Variants in C1orf174 observed in about 807,000 individuals in gnomAD.
C1orf174 encodes UPF0688 protein C1orf174.
In C1orf174, 13 loss-of-function variants were observed where a neutral mutation model predicts 18.4. That is an observed-to-expected ratio of 0.71 (90% CI 0.46 to 1.12). The LOEUF (loss-of-function observed/expected upper bound fraction) is 1.12. Ranked by LOEUF, C1orf174 falls within the 50% of genes most tolerant of loss-of-function variation. C1orf174 has a pLI of 0.00. For missense variants in C1orf174, 309 were observed against 308.0 expected, an observed-to-expected ratio of 1.00 and a Z score of -0.02; for synonymous variants, 100 against 118.3, an observed-to-expected ratio of 0.85 and a Z score of 1.01.
intron 1 of C1orf174, among the ~76,000 whole-genome samples, chr1:3,894,847 C>G (rs901323978): frequency 2.0e-5 from 3 of 152,224 alleles, no homozygotes; most frequent in African/African-American, 7.2e-5. Context: ...TACCACAGCA[C>G]ACCGGGGGCT....
rs573762946 is a variant in C1orf174 at position 3,891,626 on chromosome 1, C to T, written c.130-569G>A. The T allele has an allele frequency of 1.0e-4, 102 of 986,128 alleles. 1 individual carries two copies. The South Asian group carries it at 1.1e-3, about 11-fold the overall frequency. 61.1% of individuals were successfully genotyped at this position (986,128 alleles called of 1,614,324 possible). A position where few individuals can be genotyped will look rare whatever the true frequency, so the allele number is the denominator to read the frequency against. On this transcript the variant is annotated intron_variant, in intron 2 of 3. Transcript: ENST00000361605. Reference sequence around the variant, plus strand: ...GCTCCGTGAAGCGGCTCTACTTCACCGGTAAGTTCAGGAACTCGCTCCTCG... The same window carrying T: ...GCTCCGTGAAGCGGCTCTACTTCACTGGTAAGTTCAGGAACTCGCTCCTCG...
Position 3,890,631 on chromosome 1 carries a change from C to G in C1orf174, c.556G>C (p.Asp186His), listed in dbSNP as rs1638489787. 6.2e-7 allele frequency: 1 copy of G among 1,614,168 alleles called. No individual in the cohort carries two copies. The highest frequency in any genetic ancestry group is 8.5e-7 in the Non-Finnish European group (1 of 1,180,030). ...GGCATTGGCTGATTGCTGTCGTCATCTAGAAAGACGCTGTTGTCCATCTGA... is the reference window on the plus strand; with the variant it reads ...GGCATTGGCTGATTGCTGTCGTCATGTAGAAAGACGCTGTTGTCCATCTGA... ...PLQMDNSVFL[D>H]DDSNQPMPVS... The change falls in exon 3 of 4, where the codon GAT becomes CAT. Residue 186 changes from aspartate (D) to histidine (H), a missense_variant. Transcript: ENST00000361605.
chr1:3,898,691 T>G (rs1015110984), intron 1 of C1orf174, among the ~76,000 whole-genome samples: 5 of 152,246 alleles, frequency 3.3e-5, no homozygotes, highest in African/African-American at 9.6e-5. Flanking sequence ...TAAATGCCTA[T>G]TCCTCTACCT....
At chr1:3,899,276 C>G (rs1011641995) in intron 1 of C1orf174, among the ~76,000 whole-genome samples, 1 of 152,110 alleles carries the variant, frequency 6.6e-6, no homozygotes, top group Non-Finnish European at 1.5e-5. Context: ...AAAAAAGATC[C>G]AAGTATATGT....
At position 3,900,228 on chromosome 1, in the gene C1orf174, C is replaced by T; in HGVS notation, c.-42G>A. 1 of 1,547,860 alleles carries T rather than the reference C, an allele frequency of 6.5e-7. No homozygotes were observed. The highest frequency in any genetic ancestry group is 1.4e-5 in the African/African-American group (1 of 70,298). ...GCCAAGCACCGCGCGCCCCGGCCAA[C>T]GCGTCCCGGCGGAGCGGCGACCCGG... is the stretch of plus-strand genomic sequence containing the variant. On this transcript the variant is annotated 5_prime_UTR_variant, in exon 1 of 4. Transcript: ENST00000361605.
At chr1:3,898,362 T>C (rs952209325) in intron 1 of C1orf174, among the ~76,000 whole-genome samples, 6 of 152,008 alleles carry the variant, frequency 3.9e-5, no homozygotes, top group Non-Finnish European at 8.8e-5. Context: ...ACACAAAAAT[T>C]AGCCGGGCGT....
intron 1 of C1orf174, among the ~76,000 whole-genome samples, chr1:3,897,900 T>C (rs920647685): frequency 6.6e-6 from 1 of 152,124 alleles, no homozygotes; most frequent in African/African-American, 2.4e-5. Context: ...CCTGACCTTG[T>C]GATCCGCCTG....
At chr1:3,891,731 TCTGGCGGTGAGGCTG>T (rs1389107720) in intron 2 of C1orf174, 1 of 985,898 alleles carries the variant, frequency 1.0e-6, no homozygotes, top group Non-Finnish European at 1.2e-6. Flanking sequence ...TCTTCAAGCC[TCTGGCGGTGAGGCTG>T]CACGGCAATG....
At chr1:3,897,384 A>C (rs904608156) in intron 1 of C1orf174, among the ~76,000 whole-genome samples, 7 of 152,248 alleles carry the variant, frequency 4.6e-5, no homozygotes, top group Non-Finnish European at 7.3e-5. Flanking sequence ...AAAACCTGAA[A>C]TAACAAAATT....
At chr1:3,895,444 T>C (rs1638589742) in intron 1 of C1orf174, 1 of 152,280 alleles carries the variant, frequency 6.6e-6, no homozygotes, top group Non-Finnish European at 1.5e-5. Context: ...TTCTGAACTT[T>C]TCGCGTGCAA....
Position 3,890,958 on chromosome 1 carries a change from T to C in C1orf174, c.229A>G (p.Lys77Glu). The part of the protein sequence containing the change: ...VKSELQKLVP[K>E]NDSASLPKVT... ...TTTGGCAAAGAAGCGCTGTCATTCT[T>C]AGGGACAAGCTTCTGTAATTCTGAC... The change falls in exon 3 of 4, where the codon AAG (lysine) becomes GAG (glutamate). Residue 77 changes from lysine (K) to glutamate (E), a missense_variant. Lys to Glu is a moderately conservative substitution (Grantham distance 56). Coordinates refer to ENST00000361605, the MANE Select transcript of C1orf174 (RefSeq NM_207356.3). 6.2e-7 allele frequency: 1 copy of C among 1,614,218 alleles called. No individual in the cohort carries two copies. The highest frequency in any genetic ancestry group is 1.1e-5 in the South Asian group (1 of 91,084).
At position 3,889,709 on chromosome 1, in the gene C1orf174, A is replaced by T; in HGVS notation, c.*251T>A. On this transcript the variant is annotated 3_prime_UTR_variant, in exon 4 of 4. Transcript: ENST00000361605. ...AAACTCTGTCTCCAAGGAAAAAAAA[A>T]AAAAAAAAAAAAGAAAGGACATTGG... 1 of 311,762 alleles carries T rather than the reference A, an allele frequency of 3.2e-6. No homozygotes were observed. The highest frequency in any genetic ancestry group is 6.0e-6 in the Non-Finnish European group (1 of 165,858). 19.3% of individuals were successfully genotyped at this position (311,762 alleles called of 1,614,324 possible).
intron 1 of C1orf174, among the ~76,000 whole-genome samples, chr1:3,899,361 T>TG (rs1243151339): frequency 6.6e-6 from 1 of 152,164 alleles, no homozygotes; most frequent in Non-Finnish European, 1.5e-5. Flanking sequence ...GCCACTCCAT[T>TG]TGAACAAACC....
chr1:3,889,721 A>T lies in C1orf174; in HGVS notation c.*239T>A. 3.1e-6 allele frequency: 1 copy of T among 317,580 alleles called. No homozygotes were observed. The highest frequency in any genetic ancestry group is 5.8e-6 in the Non-Finnish European group (1 of 172,514). 19.7% of individuals were successfully genotyped at this position (317,580 alleles called of 1,614,324 possible). A position where few individuals can be genotyped will look rare whatever the true frequency, so the allele number is the denominator to read the frequency against. On this transcript the variant is annotated 3_prime_UTR_variant, in exon 4 of 4. Coordinates refer to ENST00000361605, the MANE Select transcript of C1orf174 (RefSeq NM_207356.3). ...CAAGGAAAAAAAAAAAAAAAAAAAA[A>T]GAAAGGACATTGGCACAGTACAGCA...
intron 1 of C1orf174, among the ~76,000 whole-genome samples, chr1:3,893,977 G>C (rs1638558966): frequency 6.6e-6 from 1 of 152,184 alleles, no homozygotes; most frequent in Admixed American, 6.5e-5. Context: ...AACAACTACA[G>C]GACATTGTCA....
intron 2 of C1orf174, chr1:3,891,702 C>T: frequency 1.0e-6 from 1 of 986,080 alleles, no homozygotes; most frequent in African/African-American, 1.7e-5. Context: ...GATTCCTTTC[C>T]CCACCCACTC....
Position 3,891,013 on chromosome 1 carries a change from C to T in C1orf174, c.174G>A (p.Lys58=). 2 of 1,613,948 alleles carry T rather than the reference C, an allele frequency of 1.2e-6. No individual in the cohort carries two copies. Among genetic ancestry groups the T allele is most frequent in the East Asian group, 4.5e-5 (2 of 44,884 alleles). ...HKATDTRTSK[K]FKCDKGHLVK... ...CAAGATGTCCTTTGTCACATTTGAACTTCTTGGACGTTCGCGTGTCTGTGG... is the reference window on the plus strand; with the variant it reads ...CAAGATGTCCTTTGTCACATTTGAATTTCTTGGACGTTCGCGTGTCTGTGG... Residue 58 remains lysine (K), a synonymous_variant, in exon 3 of 4, where the codon AAG becomes AAA. Coordinates refer to ENST00000361605, the MANE Select transcript of C1orf174 (RefSeq NM_207356.3).
chr1:3,894,025 A>G (rs1449326478), intron 1 of C1orf174, among the ~76,000 whole-genome samples: 2 of 152,248 alleles, frequency 1.3e-5, no homozygotes, highest in Non-Finnish European at 2.9e-5. Flanking sequence ...ACTCTTCACT[A>G]AACTATAGAT....
chr1:3,893,043 A>G lies in C1orf174; in HGVS notation c.16-47T>C, dbSNP rs117984899. ...CAGAGAGTGCTCTCAGGAAGGCAGC[A>G]TGAACATGTAGACGAGAATTTCCCA... On this transcript the variant is annotated intron_variant, in intron 1 of 3. Transcript: ENST00000361605. 1.9e-4 allele frequency: 295 copies of G among 1,590,844 alleles called. 3 individuals are homozygous for G. The East Asian group carries it at 6.6e-3, about 36-fold the overall frequency.
Sources: gnomAD v4.1 joint callset for allele counts (sites outside exome capture counted in the v4.1 genomes callset) on GRCh38, gnomAD v4.1.1 for gene constraint, MANE v1.5 for transcripts, NCBI Gene and HGNC (gene_info 2026-07-23, HGNC 2026-07-21) for gene names.